HOXA3: variants seen among roughly 807,000 people sequenced by gnomAD.
HOXA3 encodes homeobox protein Hox-A3.
In HOXA3, 8 loss-of-function variants were observed where a neutral mutation model predicts 30.3. The observed-to-expected ratio is 0.26, with a 90% CI of 0.15 to 0.48. The LOEUF (loss-of-function observed/expected upper bound fraction) is 0.48. Among genes scored for constraint, HOXA3 ranks in the 20% least tolerant of loss-of-function variants. HOXA3 has a pLI of 0.99. For missense variants in HOXA3, 653 were observed against 614.4 expected (o/e 1.06, Z -0.66); for synonymous variants, 323 against 273.1 (o/e 1.18, Z -1.80).
At chr7:27,143,293 G>T (rs368436023) in intron 1 of HOXA3, 654 of 1,602,396 alleles carry the variant, frequency 4.1e-4, no homozygotes, top group Middle Eastern at 2.7e-3. Context: ...AGGGGGCCAC[G>T]GCGGAGCAGG....
At chr7:27,145,955 C>T (rs1782746724) in intron 1 of HOXA3, 1 of 1,592,924 alleles carries the variant, frequency 6.3e-7, no homozygotes, top group East Asian at 2.2e-5. Context: ...TAAGCCAGGG[C>T]CTGGAGGGTT....
chr7:27,116,004 T>A lies in HOXA3; in HGVS notation c.-120-5244A>T, dbSNP rs183080831. 9.2e-5 allele frequency: 14 copies of A among 152,822 alleles called. No individual in the cohort carries two copies. The East Asian group carries it at 2.5e-3, about 27-fold the overall frequency. The allele number at this position is 152,822 out of a possible 1,614,324, so 9.5% of individuals were successfully genotyped here. On this transcript the variant is annotated intron_variant, in intron 4 of 5. Coordinates refer to ENST00000612286, the MANE Select transcript of HOXA3 (RefSeq NM_153631.3). ...TGGTTTGCTATTGGTGTTTTGTTTT[T>A]TAAGCGAAAATGCCGATTGTTGATT...
chr7:27,149,483 C>T (rs1782894601), intron 1 of HOXA3, among the ~76,000 whole-genome samples: 1 of 152,166 alleles, frequency 6.6e-6, no homozygotes, highest in African/African-American at 2.4e-5. Flanking sequence ...AACTCTCCTC[C>T]CACAAAGGGA....
chr7:27,108,824 G>C lies in HOXA3; in HGVS notation c.527-104C>G. On this transcript the variant is annotated intron_variant, in intron 5 of 5. Transcript: ENST00000612286. The surrounding 1 kb of genome is among the most constrained non-coding windows in gnomAD (Gnocchi z 5.0). Reference sequence around the variant, plus strand: ...CTTCCACCAGGCCCCAAAGGTTCCTGCATCCGTCAGGTCCCAGAGAGAAGT... The same window carrying C: ...CTTCCACCAGGCCCCAAAGGTTCCTCCATCCGTCAGGTCCCAGAGAGAAGT... 1 of 808,618 alleles carries C rather than the reference G, an allele frequency of 1.2e-6. No homozygotes were observed. The highest frequency in any genetic ancestry group is 1.9e-6 in the Non-Finnish European group (1 of 522,616). The allele number at this position is 808,618 out of a possible 1,614,324, so 50.1% of individuals were successfully genotyped here.
chr7:27,129,350 T>C (rs1277407361), intron 2 of HOXA3: 1 of 1,614,092 alleles, frequency 6.2e-7, no homozygotes, highest in Admixed American at 1.7e-5. Context: ...GATCGCATCT[T>C]GGTGTTGGGC....
chr7:27,145,587 G>A (rs1782728861), intron 1 of HOXA3: 2 of 1,544,744 alleles, frequency 1.3e-6, no homozygotes, highest in East Asian at 2.3e-5. Context: ...GAGAAAAGTT[G>A]GGGAACAGGC....
At chr7:27,141,693 G>T in intron 1 of HOXA3, 1 of 1,006,370 alleles carries the variant, frequency 9.9e-7, no homozygotes, top group Non-Finnish European at 1.5e-6. Context: ...CAATAAACAG[G>T]CTCATGATTA....
rs771315256 is a variant in HOXA3, at chr7:27,143,482, G to A, written c.-493-3296C>T. On this transcript the variant is annotated intron_variant, in intron 1 of 5. Coordinates refer to ENST00000612286, the MANE Select transcript of HOXA3 (RefSeq NM_153631.3). ...CATTGTAGCCGTAGCCGTACCTGCC[G>A]GAGTGCATGCTCGCCGAGTCCCTGA... 14 of 1,613,750 alleles carry A rather than the reference G, an allele frequency of 8.7e-6. No individual in the cohort carries two copies. In the South Asian group the frequency reaches 1.1e-4, roughly 13 times the overall value.
chr7:27,142,005 G>A, intron 1 of HOXA3: 3 of 1,614,222 alleles, frequency 1.9e-6, no homozygotes, highest in Non-Finnish European at 2.5e-6. Flanking sequence ...CGGTTGAAGT[G>A]GAACTCCTTC....
chr7:27,138,049 G>T (rs1322276924), intron 2 of HOXA3, among the ~76,000 whole-genome samples: 1 of 151,934 alleles, frequency 6.6e-6, no homozygotes, highest in Non-Finnish European at 1.5e-5. Context: ...TTCCAATAAG[G>T]AGCCCAAAAT....
At chr7:27,130,481 G>A in intron 2 of HOXA3, 1 of 1,272,674 alleles carries the variant, frequency 7.9e-7, no homozygotes, top group South Asian at 2.7e-5. Flanking sequence ...GCGGCAGCAG[G>A]GTAGGCGGGC....
chr7:27,141,774 C>A, intron 1 of HOXA3: 2 of 1,576,862 alleles, frequency 1.3e-6, no homozygotes, highest in Non-Finnish European at 1.7e-6. Flanking sequence ...AGAAAGTCAC[C>A]TTAGTACTGA....
chr7:27,146,251 T>TTGTGTGTG (rs10685970), intron 1 of HOXA3, among the ~76,000 whole-genome samples: 5 of 149,112 alleles, frequency 3.4e-5, no homozygotes, highest in Admixed American at 6.7e-5. Flanking sequence ...GTGTGTGTGT[T>TTGTGTGTG]TGTGTGTGTG....
Position 27,152,534 on chromosome 7 carries a change from T to C in HOXA3, c.-740A>G. 1 of 1,180,114 alleles carries C rather than the reference T, an allele frequency of 8.5e-7. No individual in the cohort carries two copies. Among genetic ancestry groups the C allele is most frequent in the Non-Finnish European group, 1.1e-6 (1 of 937,928 alleles). The allele number at this position is 1,180,114 out of a possible 1,614,324, so 73.1% of individuals were successfully genotyped here. On this transcript the variant is annotated 5_prime_UTR_variant, in exon 1 of 6. Coordinates refer to ENST00000612286, the MANE Select transcript of HOXA3 (RefSeq NM_153631.3). ...CGGACAAAGCACAGCCGAGCCCGGC[T>C]GGAAGGCAGAGCTCCGAAGCAGGCA... is the stretch of plus-strand genomic sequence containing the variant.
At position 27,110,752 on chromosome 7, in the gene HOXA3, C is replaced by A. The variant is rs548220414; in HGVS notation, c.-112G>T. The A allele has an allele frequency of 1.8e-3, 2,737 of 1,529,432 alleles. 5 individuals carry two copies. The highest frequency in any genetic ancestry group is 2.2e-3 in the Non-Finnish European group (2,427 of 1,124,844). 94.7% of individuals were successfully genotyped at this position (1,529,432 alleles called of 1,614,324 possible). On this transcript the variant is annotated 5_prime_UTR_variant, in exon 5 of 6. Coordinates refer to ENST00000612286, the MANE Select transcript of HOXA3 (RefSeq NM_153631.3). ...GACACTCCGCCGCCAATGGCCGCCCCGCGCAGACCTGGTGGGGCGAGAAGC... is the reference window on the plus strand; with the variant it reads ...GACACTCCGCCGCCAATGGCCGCCCAGCGCAGACCTGGTGGGGCGAGAAGC...
intron 2 of HOXA3, among the ~76,000 whole-genome samples, chr7:27,132,570 G>T (rs894493626): frequency 4.6e-5 from 7 of 152,174 alleles, no homozygotes; most frequent in Non-Finnish European, 7.3e-5. Context: ...TGAGTGTGAA[G>T]AGTGCTGTCC....
rs750457016 is a variant in HOXA3, at chr7:27,110,629, C to A, written c.12G>T (p.Ala4=). ...AGATCGCCGAGCTGTCGTAGTAGGTCGCTTTTTGCATCGCGTTGTTTCACG... is the reference window on the plus strand; with the variant it reads ...AGATCGCCGAGCTGTCGTAGTAGGTAGCTTTTTGCATCGCGTTGTTTCACG... MQK[A]TYYDSSAIYG... is the part of the protein sequence containing the mutation. The change falls in exon 5 of 6, where the codon GCG becomes GCT. Residue 4 remains alanine (A), a synonymous_variant. Coordinates refer to ENST00000612286, the MANE Select transcript of HOXA3 (RefSeq NM_153631.3). 28 of 1,602,832 alleles carry A rather than the reference C, an allele frequency of 1.7e-5. No individual in the cohort carries two copies. The highest frequency in any genetic ancestry group is 2.4e-5 in the Non-Finnish European group (28 of 1,171,576).
At chr7:27,144,303 G>T (rs948707897) in intron 1 of HOXA3, among the ~76,000 whole-genome samples, 2 of 152,198 alleles carry the variant, frequency 1.3e-5, no homozygotes, top group African/African-American at 2.4e-5. Flanking sequence ...AGCAGCAGCA[G>T]CTACAATTAC....
At chr7:27,117,093 C>T (rs543867624) in intron 4 of HOXA3, among the ~76,000 whole-genome samples, 1 of 152,336 alleles carries the variant, frequency 6.6e-6, no homozygotes, top group South Asian at 2.1e-4. Flanking sequence ...TCCCACCCTT[C>T]CCAGGAGTGT....
Sources: gnomAD v4.1 joint callset for allele counts (sites outside exome capture counted in the v4.1 genomes callset) on GRCh38, gnomAD v4.1.1 for gene constraint, Gnocchi (gnomAD v3.1) non-coding constraint, MANE v1.5 for transcripts, NCBI Gene and HGNC (gene_info 2026-07-23, HGNC 2026-07-21) for gene names.